The following NAALADL2 variants were observed in gnomAD, a reference collection of about 807,000 sequenced individuals.
NAALADL2 encodes N-acetylated alpha-linked acidic dipeptidase like 2, also known as inactive N-acetylated-alpha-linked acidic dipeptidase-like protein 2.
Under a neutral mutation model 87.2 loss-of-function variants are expected in NAALADL2, and 76 were observed. The ratio of observed to expected loss-of-function variants is 0.87; its 90% CI spans 0.72 to 1.05. The LOEUF is 1.05. NAALADL2 is among the 50% of genes least tolerant of loss of function. The pLI is 0.00. For missense variants in NAALADL2, 1,089 were observed against 945.8 expected (o/e 1.15, Z -1.99); for synonymous variants, 354 against 331.0 (o/e 1.07, Z -0.75).
At chr3:175,259,427 A>C (rs1380237155) in intron 4 of NAALADL2, among the ~76,000 whole-genome samples, 1 of 152,218 alleles carries the variant, frequency 6.6e-6, no homozygotes, top group African/African-American at 2.4e-5. Flanking sequence ...ATTATTAACA[A>C]TAGTCAGAGG....
At chr3:174,576,591 G>A (rs551521438) in intron 2 of NAALADL2, among the ~76,000 whole-genome samples, 1 of 152,272 alleles carries the variant, frequency 6.6e-6, no homozygotes, top group South Asian at 2.1e-4. Context: ...TGACAGTGAT[G>A]TTGAACATTT....
intron 11 of NAALADL2, chr3:175,718,189 C>G: frequency 1.6e-6 from 2 of 1,215,142 alleles, no homozygotes; most frequent in East Asian, 2.4e-5. Flanking sequence ...AGGGGAAGGG[C>G]CTGTGGTTTT....
intron 9 of NAALADL2, among the ~76,000 whole-genome samples, chr3:175,536,597 A>T (rs1734846333): frequency 6.6e-6 from 1 of 152,156 alleles, no homozygotes; most frequent in Non-Finnish European, 1.5e-5. Flanking sequence ...AAAGATGGAA[A>T]TTTTTAAAAG....
At chr3:174,907,725 A>G (rs1298317551) in intron 1 of NAALADL2, among the ~76,000 whole-genome samples, 2 of 152,086 alleles carry the variant, frequency 1.3e-5, no homozygotes, top group African/African-American at 4.8e-5. Flanking sequence ...GTTCATTAGT[A>G]ACATAATTCA....
chr3:174,451,843 G>GTT lies in NAALADL2; in HGVS notation c.-184+10839_-184+10840dup, dbSNP rs764587503. 4.9e-3 allele frequency among the ~76,000 whole-genome samples: 485 copies of GTT among 98,056 alleles called. 41 individuals are homozygous for GTT. Among genetic ancestry groups the GTT allele is most frequent in the African/African-American group, 0.02 (393 of 19,986 alleles). The allele number at this position is 98,056 out of a possible 152,430, so 64.3% of individuals were successfully genotyped here. On this transcript the variant is annotated intron_variant, in intron 1 of 3. Coordinates refer to the NAALADL2 transcript ENST00000434257. The stretch of plus-strand genomic sequence containing the variant: ...TAATGTAGTGCTAAGGATAGTGGGA[G>GTT]TTTTTTTTTTTTTTTTTTTTTTTTT...
chr3:174,884,743 A>G (rs2109743396), intron 1 of NAALADL2, among the ~76,000 whole-genome samples: 1 of 152,196 alleles, frequency 6.6e-6, no homozygotes, highest in East Asian at 1.9e-4. Context: ...ATACACTCTC[A>G]TGCCTGTTCT....
At position 175,160,000 on chromosome 3, in the gene NAALADL2, C is replaced by CTTTTTTT. The variant is rs58734561; in HGVS notation, c.545+62715_545+62721dup. On this transcript the variant is annotated intron_variant, in intron 2 of 13. Coordinates refer to ENST00000454872, the MANE Select transcript of NAALADL2 (RefSeq NM_207015.3). Reference sequence around the variant, plus strand: ...TACAGGCGTGTGCTACCACTCGTGACTTTTTTTTTTTTACTTTTAGTAGAG... The same window carrying CTTTTTTT: ...TACAGGCGTGTGCTACCACTCGTGACTTTTTTTTTTTTTTTTTTTACTTTTAGTAGAG... Among the ~76,000 whole-genome samples, 96 of 134,094 alleles carry CTTTTTTT rather than the reference C, an allele frequency of 7.2e-4. 7 individuals carry two copies. The highest frequency in any genetic ancestry group is 2.2e-3 in the East Asian group (10 of 4,468). 88.0% of individuals were successfully genotyped at this position (134,094 alleles called of 152,430 possible).
chr3:174,985,194 T>A (rs1182765746), intron 1 of NAALADL2, among the ~76,000 whole-genome samples: 5 of 152,120 alleles, frequency 3.3e-5, no homozygotes, highest in South Asian at 2.1e-4. Context: ...CTAAATAATA[T>A]TATGAGAATT....
intron 9 of NAALADL2, among the ~76,000 whole-genome samples, chr3:175,476,009 C>CA (rs1400380880): frequency 6.6e-6 from 1 of 152,176 alleles, no homozygotes; most frequent in Admixed American, 6.6e-5. Flanking sequence ...GGCCATGAGC[C>CA]ACTGCACCCA....
intron 2 of NAALADL2, among the ~76,000 whole-genome samples, chr3:174,586,243 TC>T (rs1238691778): frequency 6.6e-6 from 1 of 152,234 alleles, no homozygotes; most frequent in African/African-American, 2.4e-5. Context: ...GAGATGGTAT[TC>T]AGTTGTACAG....
At chr3:175,205,258 C>T (rs1225559746) in intron 2 of NAALADL2, among the ~76,000 whole-genome samples, 1 of 152,116 alleles carries the variant, frequency 6.6e-6, no homozygotes, top group Non-Finnish European at 1.5e-5. Flanking sequence ...AAAATAGGCA[C>T]ATAAACCAAT....
intron 1 of NAALADL2, among the ~76,000 whole-genome samples, chr3:174,994,477 A>AT (rs1008640620): frequency 3.1e-4 from 47 of 150,338 alleles, no homozygotes; most frequent in African/African-American, 1.1e-3. Context: ...AGTAATGATT[A>AT]TTTTTTTGAA....
intron 2 of NAALADL2, among the ~76,000 whole-genome samples, chr3:174,646,210 A>G (rs555112762): frequency 6.6e-6 from 1 of 152,282 alleles, no homozygotes; most frequent in Non-Finnish European, 1.5e-5. Flanking sequence ...TGAAAAAAAA[A>G]TTCTTGAGCA....
At chr3:174,982,804 T>A (rs544084700) in intron 1 of NAALADL2, among the ~76,000 whole-genome samples, 48 of 150,206 alleles carry the variant, frequency 3.2e-4, no homozygotes, top group Admixed American at 4.6e-4. Flanking sequence ...AGGTTAAAAT[T>A]TTTTTTTTTT....
chr3:174,733,085 TA>T, intron 2 of NAALADL2, among the ~76,000 whole-genome samples: 1 of 152,186 alleles, frequency 6.6e-6, no homozygotes, highest in Non-Finnish European at 1.5e-5. Flanking sequence ...ATTTTATTGT[TA>T]AAAATTGTAT....
At chr3:175,323,667 A>T (rs1222647444) in intron 4 of NAALADL2, among the ~76,000 whole-genome samples, 1 of 151,742 alleles carries the variant, frequency 6.6e-6, no homozygotes. Context: ...GAGGAAAAAA[A>T]AAAAGGCCAG....
chr3:175,151,685 T>C (rs1313058907), intron 2 of NAALADL2, among the ~76,000 whole-genome samples: 1 of 152,078 alleles, frequency 6.6e-6, no homozygotes, highest in African/African-American at 2.4e-5. Context: ...CCATCATACA[T>C]ACATACACGC....
chr3:175,120,140 CT>C (rs1302959364), intron 2 of NAALADL2, among the ~76,000 whole-genome samples: 2 of 151,518 alleles, frequency 1.3e-5, no homozygotes, highest in Non-Finnish European at 3.0e-5. Context: ...CCACTTTTTC[CT>C]GACTGTACTT....
intron 9 of NAALADL2, among the ~76,000 whole-genome samples, chr3:175,573,084 A>T (rs548277315): frequency 6.0e-4 from 91 of 152,320 alleles, no homozygotes; most frequent in African/African-American, 2.1e-3. Context: ...TTTATTTTTT[A>T]AAAAATAATT....
Sources: allele counts gnomAD v4.1 joint callset (sites outside exome capture counted in the v4.1 genomes callset), GRCh38; gene constraint gnomAD v4.1.1; transcripts MANE v1.5; gene names NCBI Gene and HGNC (gene_info 2026-07-23, HGNC 2026-07-21).